The following ADAMTS17 variants were observed in gnomAD, a reference collection of about 807,000 sequenced individuals.
ADAMTS17 encodes the protein A disintegrin and metalloproteinase with thrombospondin motifs 17.
ADAMTS17 carries 113 observed loss-of-function variants against 141.5 expected under a neutral mutation model. The ratio of observed to expected loss-of-function variants is 0.80; its 90% CI spans 0.69 to 0.93. The LOEUF is 0.93. Among genes scored for constraint, ADAMTS17 ranks in the 40% least tolerant of loss-of-function variants. The probability of loss-of-function intolerance (pLI) is 0.00; values close to 1 mark genes in which losing one functional copy is unlikely to be tolerated. For missense variants in ADAMTS17, 1,659 were observed against 1,517.9 expected (o/e 1.09, Z -1.54); for synonymous variants, 768 against 630.6 (o/e 1.22, Z -3.27).
intron 3 of ADAMTS17, among the ~76,000 whole-genome samples, chr15:100,297,874 G>A (rs962065227): frequency 6.6e-6 from 1 of 152,134 alleles, no homozygotes; most frequent in African/African-American, 2.4e-5. Flanking sequence ...TACAGAGACA[G>A]AGACAAAGAA....
Position 100,231,841 on chromosome 15 carries a change from G to A in ADAMTS17, c.1075+22295C>T, listed in dbSNP as rs903830341. ...CCTGATTGTATTAGGTCATCTTACC[G>A]TCATCCTCAGGAGAAGCGAATAATG... On this transcript the variant is annotated intron_variant, in intron 7 of 21. Coordinates refer to ENST00000268070, the MANE Select transcript of ADAMTS17 (RefSeq NM_139057.4). Among the ~76,000 whole-genome samples, 18 of 152,260 alleles carry A rather than the reference G, an allele frequency of 1.2e-4. No homozygotes were observed. The Middle Eastern group carries it at 0.01, about 86-fold the overall frequency.
At position 100,079,524 on chromosome 15, in the gene ADAMTS17, T is replaced by C. The variant is rs145472997; in HGVS notation, c.2137+16832A>G. Among the ~76,000 whole-genome samples, 12 of 152,286 alleles carry C rather than the reference T, an allele frequency of 7.9e-5. No individual in the cohort carries two copies. The East Asian group carries it at 2.1e-3, about 27-fold the overall frequency. The stretch of plus-strand genomic sequence containing the variant: ...GTAGATACAGACATTAGATGAGTGG[T>C]TACCTAGGGCTTAAGAGGGAGATGG... On this transcript the variant is annotated intron_variant, in intron 15 of 21. Transcript: ENST00000268070.
intron 9 of ADAMTS17, among the ~76,000 whole-genome samples, chr15:100,154,899 T>A (rs1275846815): frequency 6.6e-6 from 1 of 152,232 alleles, no homozygotes; most frequent in Non-Finnish European, 1.5e-5. Flanking sequence ...TGCAGAGGAA[T>A]GAAATGGGTT....
At chr15:99,982,529 C>T (rs868507793) in intron 20 of ADAMTS17, among the ~76,000 whole-genome samples, 7 of 152,336 alleles carry the variant, frequency 4.6e-5, no homozygotes, top group Admixed American at 2.6e-4. Flanking sequence ...CCTTCTCTGT[C>T]GGCCTCCCCT....
intron 2 of ADAMTS17, among the ~76,000 whole-genome samples, chr15:100,332,304 C>T (rs972629470): frequency 3.3e-5 from 5 of 152,222 alleles, no homozygotes; most frequent in African/African-American, 1.2e-4. Flanking sequence ...AAGACGGTGG[C>T]CACAGTGGGA....
intron 11 of ADAMTS17, 22 bp downstream of exon 11, chr15:100,133,192 G>C (rs763997296): frequency 6.4e-7 from 1 of 1,562,732 alleles, no homozygotes; most frequent in South Asian, 1.2e-5. Flanking sequence ...CCTGTTGGGG[G>C]CAGTGGGAAG....
At chr15:100,247,997 C>T (rs1227498174) in intron 7 of ADAMTS17, among the ~76,000 whole-genome samples, 2 of 152,126 alleles carry the variant, frequency 1.3e-5, no homozygotes, top group Non-Finnish European at 2.9e-5. Context: ...GGTATCAGTG[C>T]CAGGGGTGAC....
intron 8 of ADAMTS17, among the ~76,000 whole-genome samples, chr15:100,156,038 C>T (rs2039420101): frequency 6.6e-6 from 1 of 152,162 alleles, no homozygotes; most frequent in Admixed American, 6.5e-5. Context: ...TAAGGATGAC[C>T]ATCTTTCAAC....
intron 12 of ADAMTS17, among the ~76,000 whole-genome samples, chr15:100,130,259 G>A (rs578104916): frequency 6.6e-6 from 1 of 151,806 alleles, no homozygotes; most frequent in Non-Finnish European, 1.5e-5. Context: ...AGCTACTTGC[G>A]AGGCTGAGGC....
At chr15:100,017,587 C>T (rs1287147019) in intron 18 of ADAMTS17, among the ~76,000 whole-genome samples, 1 of 152,252 alleles carries the variant, frequency 6.6e-6, no homozygotes, top group Admixed American at 6.5e-5. Flanking sequence ...TAAACTAACT[C>T]AGCTCCAGGT....
At chr15:100,095,520 G>A (rs554028541) in intron 15 of ADAMTS17, among the ~76,000 whole-genome samples, 2 of 152,248 alleles carry the variant, frequency 1.3e-5, no homozygotes, top group East Asian at 1.9e-4. Flanking sequence ...AAGCTTCTAT[G>A]CAGAGCAACT....
At chr15:100,190,837 T>C (rs1260076271) in intron 8 of ADAMTS17, among the ~76,000 whole-genome samples, 2 of 152,218 alleles carry the variant, frequency 1.3e-5, no homozygotes, top group Non-Finnish European at 2.9e-5. Flanking sequence ...TGAGTCCAGT[T>C]ACCAAGAGAG....
At chr15:100,159,750 C>G (rs1049078465) in intron 8 of ADAMTS17, among the ~76,000 whole-genome samples, 2 of 152,200 alleles carry the variant, frequency 1.3e-5, no homozygotes, top group Admixed American at 6.5e-5. Flanking sequence ...AACTCACAGA[C>G]CCTGGAGTCC....
chr15:100,255,176 T>G (rs898145382), intron 6 of ADAMTS17, among the ~76,000 whole-genome samples: 4 of 152,084 alleles, frequency 2.6e-5, no homozygotes, highest in Non-Finnish European at 5.9e-5. Context: ...GGGTCTAGGC[T>G]CTTCTTTTCT....
At chr15:100,186,642 C>T (rs1396974758) in intron 8 of ADAMTS17, among the ~76,000 whole-genome samples, 1 of 152,242 alleles carries the variant, frequency 6.6e-6, no homozygotes, top group African/African-American at 2.4e-5. Flanking sequence ...TACTAATAAG[C>T]ATCCATTGAG....
chr15:100,252,105 T>C (rs2043173833), intron 7 of ADAMTS17, among the ~76,000 whole-genome samples: 1 of 152,196 alleles, frequency 6.6e-6, no homozygotes, highest in Non-Finnish European at 1.5e-5. Flanking sequence ...AGCTGCCTGC[T>C]CTTCACCAGG....
intron 15 of ADAMTS17, among the ~76,000 whole-genome samples, chr15:100,069,393 A>C (rs1473398168): frequency 8.6e-5 from 13 of 151,522 alleles, no homozygotes; most frequent in African/African-American, 2.7e-4. Context: ...ATACAGAGAA[A>C]TCCACAAAGA....
chr15:99,999,860 C>G (rs144809908), intron 18 of ADAMTS17, among the ~76,000 whole-genome samples: 3 of 152,164 alleles, frequency 2.0e-5, no homozygotes, highest in South Asian at 2.1e-4. Context: ...GCTCCTCCCT[C>G]CACCCCAGGT....
At chr15:100,306,527 T>A in intron 3 of ADAMTS17, 2 of 456,002 alleles carry the variant, frequency 4.4e-6, no homozygotes, top group South Asian at 3.1e-5. Context: ...TCCAGATCAC[T>A]CCAGCCTCCA....
Sources: allele counts gnomAD v4.1 joint callset (sites outside exome capture counted in the v4.1 genomes callset), GRCh38; gene constraint gnomAD v4.1.1; transcripts MANE v1.5; gene names NCBI Gene and HGNC (gene_info 2026-07-23, HGNC 2026-07-21).